Variants in RNF185 observed in about 807,000 individuals in gnomAD.
RNF185 encodes E3 ubiquitin-protein ligase RNF185.
Under a neutral mutation model 24.9 loss-of-function variants are expected in RNF185, and 13 were observed. The observed-to-expected ratio is 0.52, with a 90% CI of 0.34 to 0.83. The LOEUF (loss-of-function observed/expected upper bound fraction) is 0.83. Ranked by LOEUF, RNF185 falls within the 40% of genes least tolerant of loss-of-function variation. RNF185 has a pLI of 0.01. For missense variants in RNF185, 184 were observed against 244.7 expected (o/e 0.75, Z 1.65); for synonymous variants, 79 against 90.3 (o/e 0.88, Z 0.71).
rs55965706 is a variant in RNF185, at chr22:31,171,156, CTTAT to C, written c.-49+10884_-49+10887del. ...AGGAACCAGGACCTTCTCTGATTTA[CTTAT>C]TTATTTATTTATTTATTTATTTATT... On this transcript the variant is annotated intron_variant, in intron 1 of 6. Transcript: ENST00000326132. Among the ~76,000 whole-genome samples, 72 of 143,234 alleles carry C rather than the reference CTTAT, an allele frequency of 5.0e-4. 1 individual carries two copies. Among genetic ancestry groups the C allele is most frequent in the South Asian group, 1.8e-3 (8 of 4,460 alleles). 94.0% of individuals were successfully genotyped at this position (143,234 alleles called of 152,430 possible).
chr22:31,160,705 C>T (rs894933941), intron 1 of RNF185, among the ~76,000 whole-genome samples: 2 of 152,154 alleles, frequency 1.3e-5, no homozygotes, highest in African/African-American at 2.4e-5. Flanking sequence ...TTCGAGACTT[C>T]GCCACCGACA....
At position 31,187,037 on chromosome 22, in the gene RNF185, T is replaced by C; in HGVS notation, c.-48-10T>C. The C allele has an allele frequency of 6.5e-7, 1 of 1,550,286 alleles. No individual in the cohort carries two copies. Among genetic ancestry groups the C allele is most frequent in the Non-Finnish European group, 8.7e-7 (1 of 1,148,434 alleles). ...CAGAAATGGACAGTCAAGAGTTCTC[T>C]GCCTTTTAGGATTTCCCTGGGGAAA... On this transcript the variant is annotated splice_polypyrimidine_tract_variant and intron_variant, in intron 1 of 6. Coordinates refer to ENST00000326132, the MANE Select transcript of RNF185 (RefSeq NM_152267.4).
chr22:31,178,254 A>AC (rs2048001946), intron 1 of RNF185, among the ~76,000 whole-genome samples: 1 of 151,970 alleles, frequency 6.6e-6, no homozygotes, highest in Non-Finnish European at 1.5e-5. Flanking sequence ...TTTGTCCCTT[A>AC]CCCCCCAAGT....
chr22:31,193,212 C>T (rs112045866), intron 3 of RNF185, among the ~76,000 whole-genome samples: 15 of 152,056 alleles, frequency 9.9e-5, no homozygotes, highest in Non-Finnish European at 1.8e-4. Context: ...TCTCCCTGGT[C>T]GTCAGCAGTA....
intron 1 of RNF185, among the ~76,000 whole-genome samples, chr22:31,169,543 C>CT (rs67446723): frequency 0.085 from 12,960 of 151,948 alleles, 845 homozygotes; most frequent in East Asian, 0.4. Flanking sequence ...CCCTACTTCT[C>CT]TTTTTTTAAT....
At chr22:31,183,569 T>G (rs1194596763) in intron 1 of RNF185, among the ~76,000 whole-genome samples, 1 of 152,020 alleles carries the variant, frequency 6.6e-6, no homozygotes, top group African/African-American at 2.4e-5. Context: ...TAGTTGAGAT[T>G]AGGGAGTGGT....
At chr22:31,176,676 G>GA (rs2047986198) in intron 1 of RNF185, among the ~76,000 whole-genome samples, 1 of 151,714 alleles carries the variant, frequency 6.6e-6, no homozygotes, top group African/African-American at 2.4e-5. Flanking sequence ...TTTTAGTAGA[G>GA]ACGGGGTTTC....
intron 3 of RNF185, among the ~76,000 whole-genome samples, chr22:31,193,815 G>A (rs1157835962): frequency 6.3e-5 from 9 of 141,740 alleles, no homozygotes; most frequent in East Asian, 2.1e-4. Flanking sequence ...CCAAAAAACC[G>A]AAAAAAAAAT....
intron 1 of RNF185, among the ~76,000 whole-genome samples, chr22:31,181,804 C>T (rs1173319436): frequency 2.0e-5 from 3 of 147,080 alleles, no homozygotes; most frequent in African/African-American, 2.5e-5. Context: ...AAATGAACAA[C>T]GAGAACACTT....
chr22:31,203,011 C>T (rs1016596722), intron 6 of RNF185, among the ~76,000 whole-genome samples: 7 of 152,272 alleles, frequency 4.6e-5, no homozygotes, highest in African/African-American at 1.7e-4. Context: ...AGGGTGTACT[C>T]TGCCCTGAAG....
chr22:31,165,223 C>G (rs1364002497), intron 1 of RNF185, among the ~76,000 whole-genome samples: 1 of 151,978 alleles, frequency 6.6e-6, no homozygotes, highest in Non-Finnish European at 1.5e-5. Flanking sequence ...TGGCCATTTG[C>G]ACTAAAATTT....
intron 1 of RNF185, among the ~76,000 whole-genome samples, chr22:31,183,287 G>T (rs1158758841): frequency 6.6e-6 from 1 of 152,116 alleles, no homozygotes; most frequent in Non-Finnish European, 1.5e-5. Flanking sequence ...CATTGGTGGT[G>T]CTGTGTACTT....
intron 1 of RNF185, among the ~76,000 whole-genome samples, chr22:31,182,007 A>T (rs1422246587): frequency 6.6e-6 from 1 of 151,560 alleles, no homozygotes; most frequent in Non-Finnish European, 1.5e-5. Flanking sequence ...GTATAATAAA[A>T]ATATATATAT....
chr22:31,187,024 G>A lies in RNF185; in HGVS notation c.-48-23G>A, dbSNP rs1290411555. 5 of 1,510,944 alleles carry A rather than the reference G, an allele frequency of 3.3e-6. No individual in the cohort carries two copies. In the Admixed American group the frequency reaches 6.3e-5, roughly 19 times the overall value. The allele number at this position is 1,510,944 out of a possible 1,614,324, so 93.6% of individuals were successfully genotyped here. A position where few individuals can be genotyped will look rare whatever the true frequency, so the allele number is the denominator to read the frequency against. Reference sequence around the variant, plus strand: ...GGGGAGAGGGCTGCAGAAATGGACAGTCAAGAGTTCTCTGCCTTTTAGGAT... The same window carrying A: ...GGGGAGAGGGCTGCAGAAATGGACAATCAAGAGTTCTCTGCCTTTTAGGAT... On this transcript the variant is annotated intron_variant, in intron 1 of 6. Coordinates refer to ENST00000326132, the MANE Select transcript of RNF185 (RefSeq NM_152267.4).
chr22:31,174,208 A>C (rs923678712), intron 1 of RNF185, among the ~76,000 whole-genome samples: 1 of 152,232 alleles, frequency 6.6e-6, no homozygotes, highest in South Asian at 2.1e-4. Context: ...CTGAAATCAC[A>C]GAATAAGTTG....
intron 2 of RNF185, among the ~76,000 whole-genome samples, chr22:31,190,209 T>C (rs1333524846): frequency 2.0e-5 from 3 of 152,244 alleles, no homozygotes; most frequent in Admixed American, 1.3e-4. Context: ...ACCTGAAAAG[T>C]TCCTATAATC....
At chr22:31,165,467 A>G (rs1386856395) in intron 1 of RNF185, among the ~76,000 whole-genome samples, 1 of 152,202 alleles carries the variant, frequency 6.6e-6, no homozygotes, top group Non-Finnish European at 1.5e-5. Context: ...ATCGTGTACA[A>G]TTTTGAATGT....
At chr22:31,182,109 CTTTTTTT>C (rs747537462) in intron 1 of RNF185, among the ~76,000 whole-genome samples, 1 of 122,796 alleles carries the variant, frequency 8.1e-6, no homozygotes, top group Non-Finnish European at 1.7e-5. Context: ...ACAGTAATTC[CTTTTTTT>C]TTTTTTTTTT....
At chr22:31,183,668 C>T (rs2048062721) in intron 1 of RNF185, among the ~76,000 whole-genome samples, 1 of 152,114 alleles carries the variant, frequency 6.6e-6, no homozygotes, top group South Asian at 2.1e-4. Flanking sequence ...CCTTAGTGGA[C>T]ACAGCACATG....
Sources: allele counts gnomAD v4.1 joint callset (sites outside exome capture counted in the v4.1 genomes callset), GRCh38; gene constraint gnomAD v4.1.1; transcripts MANE v1.5; gene names NCBI Gene and HGNC (gene_info 2026-07-23, HGNC 2026-07-21).